Variants in KCNQ1OT1 observed in about 807,000 individuals in gnomAD.
The protein encoded by KCNQ1OT1 is KCNQ1 antisense RNA 2 (non-protein coding).
Position 2,626,851 on chromosome 11 carries a change from AGT to A in KCNQ1OT1, n.73142_73143del. On this transcript the variant is annotated non_coding_transcript_exon_variant, in exon 1 of 1. Coordinates refer to ENST00000597346, the Ensembl canonical transcript of KCNQ1OT1. The surrounding 1 kb of genome is among the most constrained non-coding windows in gnomAD (Gnocchi z 4.0). ...CCTGTAGTAAGTTTTCAAATCAGAA[AGT>A]GTGAGTCCTCCAATGTTGTTCATCA... The A allele has an allele frequency of 5.0e-6, 2 of 398,600 alleles. No individual in the cohort carries two copies. The highest frequency in any genetic ancestry group is 7.1e-5 in the East Asian group (2 of 28,078). 24.7% of individuals were successfully genotyped at this position (398,600 alleles called of 1,614,324 possible).
At chr11:2,685,496 C>T (rs1590031383) in exon 1 of KCNQ1OT1, 2 of 398,870 alleles carry the variant, frequency 5.0e-6, no homozygotes, top group East Asian at 7.1e-5. Flanking sequence ...CAGCAAGTTG[C>T]TCACATCCAG....
chr11:2,696,031 A>AT (rs1850670789), exon 1 of KCNQ1OT1: 5 of 398,466 alleles, frequency 1.3e-5, no homozygotes. Context: ...AAAAACGCAA[A>AT]TTGTTTCCTT....
chr11:2,659,352 A>G lies in KCNQ1OT1; in HGVS notation n.40643T>C. ...GAATGTCCTATAAATGGGATCCTAT[A>G]ATATGTATTCTTTTGCATCTGGCTT... On this transcript the variant is annotated non_coding_transcript_exon_variant, in exon 1 of 1. Transcript: ENST00000597346. This position sits in a 1 kb window ranked among gnomAD's most constrained non-coding sequence, Gnocchi z 4.3. 2.5e-6 allele frequency: 1 copy of G among 398,604 alleles called. No individual in the cohort carries two copies. The highest frequency in any genetic ancestry group is 4.4e-6 in the Non-Finnish European group (1 of 226,048). The allele number at this position is 398,604 out of a possible 1,614,324, so 24.7% of individuals were successfully genotyped here.
exon 1 of KCNQ1OT1, chr11:2,618,113 C>T (rs180773933): frequency 4.3e-5 from 17 of 398,478 alleles, no homozygotes; most frequent in Non-Finnish European, 5.8e-5. Flanking sequence ...AGAGCCATGT[C>T]GAGCTTTTCC....
exon 1 of KCNQ1OT1, chr11:2,648,981 C>CTTTTTTTTTTTTTTTTTTTTTTTTTTCT: frequency 1.4e-5 from 3 of 213,306 alleles, no homozygotes; most frequent in African/African-American, 1.3e-4. Context: ...TTTTCTTTTT[C>CTTTTTTTTTTTTTTTTTTTTTTTTTTCT]TTTTTTTTTT....
chr11:2,629,571 C>T, exon 1 of KCNQ1OT1: 5 of 398,414 alleles, frequency 1.3e-5, no homozygotes, highest in Non-Finnish European at 1.8e-5. Context: ...TTCCTGGCAC[C>T]ATTTGTTGAA....
exon 1 of KCNQ1OT1, chr11:2,689,454 C>G (rs1375831004): frequency 1.8e-5 from 7 of 398,532 alleles, no homozygotes; most frequent in Non-Finnish European, 3.1e-5. Context: ...AATGACACTC[C>G]CAGAGACCTC....
chr11:2,613,357 A>C lies in KCNQ1OT1; in HGVS notation n.86638T>G. The C allele has an allele frequency of 2.5e-6, 1 of 398,584 alleles. No homozygotes were observed. The highest frequency in any genetic ancestry group is 4.4e-6 in the Non-Finnish European group (1 of 226,054). 24.7% of individuals were successfully genotyped at this position (398,584 alleles called of 1,614,324 possible). A position where few individuals can be genotyped will look rare whatever the true frequency, so the allele number is the denominator to read the frequency against. ...CTGTCGCTTGCCCAACCAGTATTGAAACATTAGGTTGCTGTGATGTGGGTT... is the reference window on the plus strand; with the variant it reads ...CTGTCGCTTGCCCAACCAGTATTGACACATTAGGTTGCTGTGATGTGGGTT... On this transcript the variant is annotated non_coding_transcript_exon_variant, in exon 1 of 1. Transcript: ENST00000597346. The surrounding 1 kb of genome is among the most constrained non-coding windows in gnomAD (Gnocchi z 4.8).
At chr11:2,633,489 C>G (rs1476532189) in exon 1 of KCNQ1OT1, 1 of 398,372 alleles carries the variant, frequency 2.5e-6, no homozygotes, top group Non-Finnish European at 4.4e-6. Context: ...TCTTCTAGTA[C>G]TGTTTGCTTC....
chr11:2,644,542 G>A, exon 1 of KCNQ1OT1: 3 of 398,206 alleles, frequency 7.5e-6, no homozygotes, highest in Non-Finnish European at 1.3e-5. Flanking sequence ...AATTTTTCAA[G>A]GTTTCATCAA....
At chr11:2,655,283 T>C in exon 1 of KCNQ1OT1, 1 of 398,636 alleles carries the variant, frequency 2.5e-6, no homozygotes, top group Non-Finnish European at 4.4e-6. Flanking sequence ...AATTGTTTTG[T>C]TCTGCCCTGA....
At chr11:2,636,735 G>A (rs1229259264) in exon 1 of KCNQ1OT1, 1 of 152,138 alleles carries the variant, frequency 6.6e-6, no homozygotes, top group Non-Finnish European at 1.5e-5. Context: ...TTTTTCTATT[G>A]TTTGGAATAG....
exon 1 of KCNQ1OT1, chr11:2,655,239 G>A (rs989328654): frequency 5.0e-6 from 2 of 398,614 alleles, no homozygotes; most frequent in Non-Finnish European, 8.8e-6. Flanking sequence ...GGCTGCCTTT[G>A]CCATCCCAGA....
exon 1 of KCNQ1OT1, chr11:2,634,425 G>T (rs567310193): frequency 2.2e-5 from 4 of 182,302 alleles, no homozygotes; most frequent in Non-Finnish European, 4.5e-5. Flanking sequence ...GAGAACATGC[G>T]GTGTTTGGTT....
At chr11:2,618,711 T>C in exon 1 of KCNQ1OT1, 4 of 398,532 alleles carry the variant, frequency 1.0e-5, no homozygotes, top group Non-Finnish European at 1.8e-5. Flanking sequence ...AACTTTAGAA[T>C]TTAAAAAAAT....
chr11:2,624,748 C>A lies in KCNQ1OT1; in HGVS notation n.75247G>T, dbSNP rs1849236312. 1.3e-5 allele frequency: 5 copies of A among 398,372 alleles called. No individual in the cohort carries two copies. The allele number at this position is 398,372 out of a possible 1,614,324, so 24.7% of individuals were successfully genotyped here. On this transcript the variant is annotated non_coding_transcript_exon_variant, in exon 1 of 1. Transcript: ENST00000597346. This position sits in a 1 kb window ranked among gnomAD's most constrained non-coding sequence, Gnocchi z 4.9. ...TTAAACAATAATTCCCCAACCCCCC[C>A]ACCACCGCCATCTCTTGGAAACCAC...
rs376055299 is a variant in KCNQ1OT1 at position 2,670,113 on chromosome 11, G to T, written n.29882C>A. ...TGGACTGTGTCTCATGGCAGTCACA[G>T]GTGCCCCAGTATGCATCTGTCATTT... On this transcript the variant is annotated non_coding_transcript_exon_variant, in exon 1 of 1. Coordinates refer to ENST00000597346, the Ensembl canonical transcript of KCNQ1OT1. This position sits in a 1 kb window ranked among gnomAD's most constrained non-coding sequence, Gnocchi z 4.9. 7.5e-5 allele frequency: 30 copies of T among 398,744 alleles called. No homozygotes were observed. Among genetic ancestry groups the T allele is most frequent in the East Asian group, 5.7e-4 (16 of 28,070 alleles). 24.7% of individuals were successfully genotyped at this position (398,744 alleles called of 1,614,324 possible).
At chr11:2,675,437 T>A in exon 1 of KCNQ1OT1, 1 of 398,526 alleles carries the variant, frequency 2.5e-6, no homozygotes, top group Non-Finnish European at 4.4e-6. Context: ...TGCGTTAAAA[T>A]AAAAGATGAT....
chr11:2,678,641 C>T lies in KCNQ1OT1; in HGVS notation n.21354G>A, dbSNP rs1850335175. ...TTACTTAAGAGCCAATAATGGGAAG[C>T]TCATTTTCACAAATGCAGTCAACCA... On this transcript the variant is annotated non_coding_transcript_exon_variant, in exon 1 of 1. Transcript: ENST00000597346. This position sits in a 1 kb window ranked among gnomAD's most constrained non-coding sequence, Gnocchi z 4.9. 2.5e-6 allele frequency: 1 copy of T among 395,394 alleles called. No homozygotes were observed. The highest frequency in any genetic ancestry group is 3.6e-5 in the East Asian group (1 of 27,960). 24.5% of individuals were successfully genotyped at this position (395,394 alleles called of 1,614,324 possible).
Sources: allele counts gnomAD v4.1 joint callset, GRCh38; gene constraint gnomAD v4.1.1; non-coding constraint Gnocchi (gnomAD v3.1); transcripts MANE v1.5; gene names NCBI Gene and HGNC (gene_info 2026-07-23, HGNC 2026-07-21).